CHD2: variants seen among roughly 807,000 people sequenced by gnomAD.
CHD2 encodes the protein ATP-dependent chromatin remodeler CHD2.
In CHD2, 28 loss-of-function variants were observed where a neutral mutation model predicts 243.9. That is an observed-to-expected ratio of 0.11 (90% CI 0.09 to 0.16). The LOEUF is 0.16. Ranked by LOEUF, CHD2 falls within the 10% of genes least tolerant of loss-of-function variation. CHD2 has a pLI of 1.00. For synonymous variants in CHD2, 775 were observed against 779.0 expected (o/e 0.99, Z 0.09); for missense variants, 1,386 against 2,209.8 (o/e 0.63, Z 7.47).
chr15:92,942,125 C>T (rs1596395567), intron 8 of CHD2, among the ~76,000 whole-genome samples, 170 bp downstream of exon 8: 1 of 152,144 alleles, frequency 6.6e-6, no homozygotes, highest in Non-Finnish European at 1.5e-5. Context: ...TATGTGTACA[C>T]TATGTCTTTA....
chr15:92,940,961 AT>A (rs1474653586), intron 7 of CHD2, among the ~76,000 whole-genome samples: 1 of 29,878 alleles, frequency 3.3e-5, no homozygotes, highest in African/African-American at 8.4e-5. Context: ...ATAAATATAT[AT>A]AAATATAAAT....
intron 3 of CHD2, among the ~76,000 whole-genome samples, chr15:92,926,567 T>G (rs554169582): frequency 1.2e-3 from 188 of 152,210 alleles, no homozygotes; most frequent in Non-Finnish European, 2.2e-3. Flanking sequence ...TAATCTGTCT[T>G]TTAAACTTTT....
Position 92,936,124 on chromosome 15 carries a change from C to G in CHD2, c.444-1394C>G, listed in dbSNP as rs545307364. On this transcript the variant is annotated intron_variant, in intron 5 of 38. Transcript: ENST00000394196. ...GCTCCACTGACCGTCCGTGGAAGGC[C>G]TGAATTGTTGTTTTTTCCCCCTAAG... 2.6e-5 allele frequency among the ~76,000 whole-genome samples: 4 copies of G among 152,240 alleles called. No homozygotes were observed. In the South Asian group the frequency reaches 8.3e-4, roughly 32 times the overall value.
chr15:92,996,834 T>A (rs2054194679), intron 28 of CHD2, 123 bp from the exon 29 acceptor site: 1 of 956,350 alleles, frequency 1.0e-6, no homozygotes, highest in Non-Finnish European at 1.5e-6. Flanking sequence ...GATTATATCT[T>A]CAAAATAACA....
In CHD2 at chr15:93,027,899, A is replaced by T. The variant is rs1162489320; in HGVS notation, c.*3194A>T. 1 of 152,692 alleles carries T rather than the reference A, an allele frequency of 6.5e-6. No individual in the cohort carries two copies. Among genetic ancestry groups the T allele is most frequent in the African/African-American group, 2.4e-5 (1 of 41,460 alleles). 9.5% of individuals were successfully genotyped at this position (152,692 alleles called of 1,614,324 possible). On this transcript the variant is annotated 3_prime_UTR_variant, in exon 39 of 39. Transcript: ENST00000394196. ...GTCCTAGTGATTTCTGATGTAAATA[A>T]TGTTGTTTATATAGTATGTATTAAA...
At chr15:92,910,707 T>C (rs1031536016) in intron 2 of CHD2, among the ~76,000 whole-genome samples, 2 of 152,214 alleles carry the variant, frequency 1.3e-5, no homozygotes, top group African/African-American at 4.8e-5. Flanking sequence ...CTGCCGAGCA[T>C]TTACTACCCA....
intron 24 of CHD2, among the ~76,000 whole-genome samples, chr15:92,981,800 G>A (rs1435856391): frequency 1.3e-5 from 2 of 152,210 alleles, no homozygotes; most frequent in Non-Finnish European, 2.9e-5. Flanking sequence ...AGAGGTCAAA[G>A]ATAGGAAAAG....
chr15:92,996,797 T>C (rs1297952432), intron 28 of CHD2, among the ~76,000 whole-genome samples, 160 bp from the exon 29 acceptor site: 1 of 152,148 alleles, frequency 6.6e-6, no homozygotes, highest in Non-Finnish European at 1.5e-5. Flanking sequence ...TTTACAGACA[T>C]TAGTTGAGAA....
rs201178956 is a variant in CHD2 at position 92,941,828 on chromosome 15, A to G, written c.699A>G (p.Lys233=). 3.8e-5 allele frequency: 61 copies of G among 1,613,172 alleles called. No individual in the cohort carries two copies. The highest frequency in any genetic ancestry group is 5.0e-5 in the Non-Finnish European group (59 of 1,179,624). Residue 233 remains lysine (K), a synonymous_variant, in exon 8 of 39, where the codon AAA becomes AAG. Transcript: ENST00000394196. ...RRRAAKNVSY[K]EDDDFETDSD... Reference sequence around the variant, plus strand: ...AGCATTATTCCTCTTGCAGTTACAAAGAAGATGATGACTTTGAGACTGACT... The same window carrying G: ...AGCATTATTCCTCTTGCAGTTACAAGGAAGATGATGACTTTGAGACTGACT...
chr15:92,944,359 A>G (rs2053429736), intron 9 of CHD2, 56 bp from the exon 10 acceptor site: 2 of 981,378 alleles, frequency 2.0e-6, no homozygotes, highest in Non-Finnish European at 1.6e-6. Context: ...GCTTTGATGT[A>G]TGTGGATCCC....
intron 38 of CHD2, chr15:93,020,815 T>C (rs2141896253): frequency 6.3e-6 from 1 of 157,690 alleles, no homozygotes; most frequent in East Asian, 1.9e-4. Flanking sequence ...GCTTTGGTTT[T>C]CCCTGGGCTG....
At chr15:93,010,817 A>G (rs745673589) in intron 35 of CHD2, among the ~76,000 whole-genome samples, 2 of 152,220 alleles carry the variant, frequency 1.3e-5, no homozygotes, top group Non-Finnish European at 2.9e-5. Context: ...CTCAGAGGGT[A>G]CATGTGCTTG....
intron 10 of CHD2, 162 bp from the exon 11 acceptor site, chr15:92,945,659 A>G (rs1007458062): frequency 5.1e-6 from 2 of 393,726 alleles, no homozygotes; most frequent in Non-Finnish European, 9.2e-6. Flanking sequence ...TGGCCTCCCA[A>G]AGTGCTGGGA....
intron 35 of CHD2, among the ~76,000 whole-genome samples, chr15:93,010,322 CTTTT>C (rs2054374932): frequency 2.0e-5 from 2 of 99,578 alleles, no homozygotes; most frequent in African/African-American, 3.1e-5. Flanking sequence ...ATAATGACTT[CTTTT>C]CCCCTGGGTG....
At chr15:92,949,263 A>T (rs1374609264) in intron 13 of CHD2, 187 bp downstream of exon 13, 1 of 1,387,344 alleles carries the variant, frequency 7.2e-7, no homozygotes, top group Non-Finnish European at 9.3e-7. Flanking sequence ...ATGTATGTGT[A>T]ATACCATTTT....
rs139512806 is a variant in CHD2, at chr15:92,950,707, C to A, written c.1502+1631C>A. On this transcript the variant is annotated intron_variant, in intron 13 of 38. Coordinates refer to ENST00000394196, the MANE Select transcript of CHD2 (RefSeq NM_001271.4). Reference sequence around the variant, plus strand: ...GGCCAAGGTTGCAGTGAGCCATTTTCGCACCATTGCACTCCAGCCTGGGTG... The same window carrying A: ...GGCCAAGGTTGCAGTGAGCCATTTTAGCACCATTGCACTCCAGCCTGGGTG... Among the ~76,000 whole-genome samples, 7 of 150,882 alleles carry A rather than the reference C, an allele frequency of 4.6e-5. No homozygotes were observed. The East Asian group carries it at 1.4e-3, about 30-fold the overall frequency.
intron 5 of CHD2, among the ~76,000 whole-genome samples, chr15:92,930,590 A>C (rs1342896062): frequency 6.6e-5 from 10 of 152,130 alleles, no homozygotes; most frequent in African/African-American, 2.4e-4. Context: ...TATCATGCCC[A>C]GCTAAGTTTT....
chr15:93,002,554 A>G (rs1373480448), intron 33 of CHD2, among the ~76,000 whole-genome samples: 1 of 152,216 alleles, frequency 6.6e-6, no homozygotes, highest in African/African-American at 2.4e-5. Context: ...TTTATGACAT[A>G]TTTCAGGGGG....
chr15:92,940,917 T>TATATAAA (rs2053363339), intron 7 of CHD2, among the ~76,000 whole-genome samples: 1 of 113,898 alleles, frequency 8.8e-6, no homozygotes, highest in Admixed American at 1.0e-4. Flanking sequence ...TATATATAAA[T>TATATAAA]ATACATATAA....
Sources: gnomAD v4.1 joint callset for allele counts (sites outside exome capture counted in the v4.1 genomes callset) on GRCh38, gnomAD v4.1.1 for gene constraint, MANE v1.5 for transcripts, NCBI Gene and HGNC (gene_info 2026-07-23, HGNC 2026-07-21) for gene names.